MUSK: variants seen among roughly 807,000 people sequenced by gnomAD.
MUSK encodes muscle, skeletal receptor tyrosine-protein kinase.
A neutral mutation model predicts 88.7 loss-of-function variants in MUSK; 55 were observed. The ratio of observed to expected loss-of-function variants is 0.62; its 90% CI spans 0.50 to 0.78. The LOEUF is 0.78. Among genes scored for constraint, MUSK ranks in the 30% least tolerant of loss-of-function variants. The pLI is 0.00. For missense variants in MUSK, 1,015 were observed against 1,074.3 expected, an observed-to-expected ratio of 0.94 and a Z score of 0.77; for synonymous variants, 387 against 391.9, an observed-to-expected ratio of 0.99 and a Z score of 0.15.
At position 110,800,978 on chromosome 9, in the gene MUSK, T is replaced by C. The variant is rs779710805; in HGVS notation, c.2600T>C (p.Val867Ala). 9 of 1,515,832 alleles carry C rather than the reference T, an allele frequency of 5.9e-6. No individual in the cohort carries two copies. In the Admixed American group the frequency reaches 1.8e-4, roughly 30 times the overall value. 93.9% of individuals were successfully genotyped at this position (1,515,832 alleles called of 1,614,324 possible). ...ERMCERAEGT[V>A]SV Reference sequence around the variant, plus strand: ...ATGTGTGAGAGGGCAGAGGGAACTGTGAGTGTCTAAGGTTGAAGACGTTCA... The same window carrying C: ...ATGTGTGAGAGGGCAGAGGGAACTGCGAGTGTCTAAGGTTGAAGACGTTCA... The change falls in exon 15 of 15, where the codon GTG (valine) becomes GCG (alanine). Residue 867 changes from valine (V) to alanine (A), a missense_variant. Val to Ala is a moderately conservative substitution (Grantham distance 64). Coordinates refer to ENST00000374448, the MANE Select transcript of MUSK (RefSeq NM_005592.4).
intron 7 of MUSK, among the ~76,000 whole-genome samples, chr9:110,750,784 G>A (rs928817699): frequency 6.6e-6 from 1 of 152,098 alleles, no homozygotes; most frequent in South Asian, 2.1e-4. Flanking sequence ...GATCCCTGTG[G>A]GGTGTTTTAC....
chr9:110,714,883 G>T (rs1018903447), intron 5 of MUSK, among the ~76,000 whole-genome samples: 1 of 152,158 alleles, frequency 6.6e-6, no homozygotes, highest in African/African-American at 2.4e-5. Flanking sequence ...GAGACAAATA[G>T]TCTATTTAAG....
intron 6 of MUSK, among the ~76,000 whole-genome samples, chr9:110,735,969 C>T (rs559828243): frequency 5.3e-5 from 8 of 152,228 alleles, no homozygotes; most frequent in East Asian, 3.9e-4. Flanking sequence ...AATCACCCCA[C>T]GCCAGGCCCA....
chr9:110,767,225 T>C (rs1283745649), intron 8 of MUSK, among the ~76,000 whole-genome samples: 1 of 152,228 alleles, frequency 6.6e-6, no homozygotes, highest in African/African-American at 2.4e-5. Flanking sequence ...ACTTGGCTCC[T>C]CTGGAAGCCA....
chr9:110,689,743 T>TA (rs1417062202), intron 3 of MUSK, among the ~76,000 whole-genome samples: 8 of 74,134 alleles, frequency 1.1e-4, no homozygotes, highest in Admixed American at 4.0e-4. Context: ...ATATATAATA[T>TA]TATATATTAT....
At chr9:110,670,301 C>T (rs1587869600) in intron 1 of MUSK, among the ~76,000 whole-genome samples, 1 of 152,154 alleles carries the variant, frequency 6.6e-6, no homozygotes, top group African/African-American at 2.4e-5. Context: ...ACTTCCTGAT[C>T]AAACAACGGA....
intron 5 of MUSK, among the ~76,000 whole-genome samples, chr9:110,710,162 T>C (rs1217470890): frequency 6.6e-6 from 1 of 152,208 alleles, no homozygotes; most frequent in Non-Finnish European, 1.5e-5. Context: ...GATTCTTTCC[T>C]CTTTTTAATA....
chr9:110,777,863 C>G (rs563805996), intron 11 of MUSK, among the ~76,000 whole-genome samples: 35 of 152,120 alleles, frequency 2.3e-4, no homozygotes, highest in African/African-American at 7.2e-4. Flanking sequence ...ATGAAATCTT[C>G]GATACATGTA....
chr9:110,726,492 T>TTTCC (rs2076885780), intron 5 of MUSK, among the ~76,000 whole-genome samples: 1 of 152,094 alleles, frequency 6.6e-6, no homozygotes, highest in Admixed American at 6.6e-5. Context: ...AGACTCAGAA[T>TTTCC]TGACCTGCAG....
rs551518738 is a variant in MUSK, at chr9:110,695,396, T to G, written c.359-7T>G. 1.4e-6 allele frequency: 2 copies of G among 1,475,266 alleles called. No individual in the cohort carries two copies. The highest frequency in any genetic ancestry group is 2.3e-5 in the Admixed American group (1 of 43,070). 91.4% of individuals were successfully genotyped at this position (1,475,266 alleles called of 1,614,324 possible). ...CTTATTTATTTTGAATTTTCATTTC[T>G]TTTTAGAACCTAAAATAACTCGTCC... On this transcript the variant is annotated splice_polypyrimidine_tract_variant and splice_region_variant and intron_variant, in intron 3 of 14. Coordinates refer to ENST00000374448, the MANE Select transcript of MUSK (RefSeq NM_005592.4).
At chr9:110,677,858 T>A (rs2076051855) in intron 1 of MUSK, among the ~76,000 whole-genome samples, 1 of 152,208 alleles carries the variant, frequency 6.6e-6, no homozygotes, top group Non-Finnish European at 1.5e-5. Flanking sequence ...CCTTTTTGAC[T>A]GTGATAGGTA....
At chr9:110,789,874 T>C (rs2077942727) in intron 14 of MUSK, among the ~76,000 whole-genome samples, 1 of 152,108 alleles carries the variant, frequency 6.6e-6, no homozygotes, top group Admixed American at 6.5e-5. Flanking sequence ...GGCCTAGAGT[T>C]CTGGTAAGGA....
intron 7 of MUSK, among the ~76,000 whole-genome samples, chr9:110,753,459 A>AAGAG (rs1202827710): frequency 1.2e-3 from 147 of 118,698 alleles, no homozygotes; most frequent in Admixed American, 3.8e-3. Flanking sequence ...AAAAAAAAAA[A>AAGAG]AGAGAGAGAG....
intron 1 of MUSK, among the ~76,000 whole-genome samples, chr9:110,681,127 T>G (rs2076128187): frequency 1.3e-5 from 1 of 75,306 alleles, no homozygotes; most frequent in Non-Finnish European, 2.3e-5. Context: ...ATATATATTA[T>G]ATATATTATA....
chr9:110,722,331 A>T (rs1445932023), intron 5 of MUSK, among the ~76,000 whole-genome samples: 1 of 152,152 alleles, frequency 6.6e-6, no homozygotes, highest in East Asian at 1.9e-4. Flanking sequence ...GGAGTTGAAG[A>T]CCAGCCTGGC....
intron 5 of MUSK, among the ~76,000 whole-genome samples, chr9:110,731,656 A>G (rs1056017121): frequency 6.1e-4 from 93 of 152,208 alleles, no homozygotes; most frequent in African/African-American, 2.1e-3. Flanking sequence ...GGAGAAGTTT[A>G]TCAGCAGTCT....
rs139192477 is a variant in MUSK at position 110,707,037 on chromosome 9, A to AAGAG, written c.628+9587_628+9590dup. Reference sequence around the variant, plus strand: ...AGAGAGAGAGAGAGAGAAACAAATAAAGAGAGAGAGAGAGAGAGAATTAAC... The same window carrying AAGAG: ...AGAGAGAGAGAGAGAGAAACAAATAAAGAGAGAGAGAGAGAGAGAGAGAATTAAC... On this transcript the variant is annotated intron_variant, in intron 5 of 14. Transcript: ENST00000374448. Among the ~76,000 whole-genome samples the AAGAG allele has an allele frequency of 2.1e-3, 304 of 148,252 alleles. 2 individuals are homozygous for AAGAG. Among genetic ancestry groups the AAGAG allele is most frequent in the African/African-American group, 5.5e-3 (224 of 40,626 alleles).
At chr9:110,787,607 G>A in intron 13 of MUSK, 83 bp from the exon 14 acceptor site, 1 of 1,383,360 alleles carries the variant, frequency 7.2e-7, no homozygotes, top group Middle Eastern at 1.9e-4. Flanking sequence ...AGGGGAGGTG[G>A]GAGGATATGT....
intron 14 of MUSK, among the ~76,000 whole-genome samples, chr9:110,789,096 G>T (rs145044521): frequency 1.5e-3 from 231 of 152,336 alleles, no homozygotes; most frequent in African/African-American, 5.3e-3. Flanking sequence ...GAAACAAATG[G>T]AGAGTTTCAG....
Sources: allele counts gnomAD v4.1 joint callset (sites outside exome capture counted in the v4.1 genomes callset), GRCh38; gene constraint gnomAD v4.1.1; transcripts MANE v1.5; gene names NCBI Gene and HGNC (gene_info 2026-07-23, HGNC 2026-07-21).